The following UBE2J1 variants were observed in gnomAD, a reference collection of about 807,000 sequenced individuals.
UBE2J1 encodes ubiquitin conjugating enzyme E2 J1.
A neutral mutation model predicts 42.1 loss-of-function variants in UBE2J1; 17 were observed. The observed-to-expected ratio is 0.40, with a 90% CI of 0.28 to 0.61. The LOEUF (loss-of-function observed/expected upper bound fraction) is 0.61. Among genes scored for constraint, UBE2J1 ranks in the 20% least tolerant of loss-of-function variants. UBE2J1 has a pLI of 0.38. For synonymous variants in UBE2J1, 127 were observed against 137.2 expected, an observed-to-expected ratio of 0.93 and a Z score of 0.52; for missense variants, 291 against 389.4, an observed-to-expected ratio of 0.75 and a Z score of 2.13.
At position 89,338,243 on chromosome 6, in the gene UBE2J1, T is replaced by C. The variant is rs2127865452; in HGVS notation, c.390A>G (p.Leu130=). 1 of 1,613,800 alleles carries C rather than the reference T, an allele frequency of 6.2e-7. No individual in the cohort carries two copies. Among genetic ancestry groups the C allele is most frequent in the Non-Finnish European group, 8.5e-7 (1 of 1,179,874 alleles). ...CTCTTCTTTCCTCAGGAGTGTAATC[T>C]AGAGAACCTATGGCTCCCTCTCCTT... ...PTKGEGAIGS[L]DYTPEERRAL... The change falls in exon 5 of 8, where the codon CTA becomes CTG. Residue 130 remains leucine, a synonymous_variant. Coordinates refer to ENST00000435041, the MANE Select transcript of UBE2J1 (RefSeq NM_016021.3).
chr6:89,338,370 T>C (rs535855148), intron 4 of UBE2J1, 60 bp from the exon 5 acceptor site: 3 of 1,578,596 alleles, frequency 1.9e-6, no homozygotes, highest in South Asian at 2.3e-5. Flanking sequence ...GGGTTTATTC[T>C]GGAAAAAGAA....
Position 89,329,771 on chromosome 6 carries a change from C to T in UBE2J1, c.865G>A (p.Val289Ile). 1.9e-6 allele frequency: 3 copies of T among 1,614,058 alleles called. No individual in the cohort carries two copies. The highest frequency in any genetic ancestry group is 8.5e-7 in the Non-Finnish European group (1 of 1,179,962). The change falls in exon 8 of 8, where the codon GTA becomes ATA. Residue 289 changes from valine to isoleucine, a missense_variant. Physicochemically the swap from Val to Ile is conservative, Grantham distance 29. Coordinates refer to ENST00000435041, the MANE Select transcript of UBE2J1 (RefSeq NM_016021.3). The stretch of plus-strand genomic sequence containing the variant: ...GCCAAAGTCAGGATGACAATCAGTA[C>T]AGCTGACCCACCATGATCAGTGTGG... ...DNHTDHGGSA[V>I]LIVILTLALA...
Position 89,329,874 on chromosome 6 carries a change from C to T in UBE2J1, c.762G>A (p.Gln254=). The T allele has an allele frequency of 6.2e-7, 1 of 1,614,032 alleles. No individual in the cohort carries two copies. The highest frequency in any genetic ancestry group is 8.5e-7 in the Non-Finnish European group (1 of 1,179,978). The change falls in exon 8 of 8, where the codon CAG becomes CAA. Residue 254 remains glutamine (Q), a synonymous_variant. Transcript: ENST00000435041. Reference sequence around the variant, plus strand: ...TCTGACTCTGCTGCTGGGCCCGGCGCTGTCGAGGGCTCATGGAGGTATTCT... The same window carrying T: ...TCTGACTCTGCTGCTGGGCCCGGCGTTGTCGAGGGCTCATGGAGGTATTCT... ...VAKNTSMSPR[Q]RRAQQQSQRR... is the part of the protein sequence containing the mutation.
intron 4 of UBE2J1, 36 bp from the exon 5 acceptor site, chr6:89,338,346 T>C: frequency 2.5e-6 from 4 of 1,597,672 alleles, no homozygotes; most frequent in Non-Finnish European, 3.4e-6. Context: ...CTAAATTGCT[T>C]TGTAAAAGCA....
intron 1 of UBE2J1, among the ~76,000 whole-genome samples, chr6:89,346,029 C>T (rs1768357942): frequency 6.6e-6 from 1 of 151,756 alleles, no homozygotes; most frequent in Admixed American, 6.6e-5. Context: ...TAGCTGAGAC[C>T]ACAGGCATGC....
rs752188515 is a variant in UBE2J1, at chr6:89,329,654, A to G, written c.*25T>C. The stretch of plus-strand genomic sequence containing the variant: ...GAATGTTTAATGAAGCAGTTGAGTC[A>G]CAGCTCATAAGTCACAAAACCATAT... On this transcript the variant is annotated 3_prime_UTR_variant, in exon 8 of 8. Coordinates refer to ENST00000435041, the MANE Select transcript of UBE2J1 (RefSeq NM_016021.3). The G allele has an allele frequency of 6.2e-7, 1 of 1,612,464 alleles. No individual in the cohort carries two copies. The highest frequency in any genetic ancestry group is 8.5e-7 in the Non-Finnish European group (1 of 1,179,120).
intron 1 of UBE2J1, among the ~76,000 whole-genome samples, chr6:89,351,070 T>TG (rs1768467413): frequency 2.2e-5 from 1 of 44,532 alleles, no homozygotes; most frequent in Non-Finnish European, 3.8e-5. Flanking sequence ...CGGGATTCTC[T>TG]TTTTTTTTTT....
chr6:89,346,716 G>A (rs980245608), intron 1 of UBE2J1, among the ~76,000 whole-genome samples: 1 of 152,080 alleles, frequency 6.6e-6, no homozygotes, highest in Admixed American at 6.5e-5. Context: ...CTAGGGAGGG[G>A]TAGAGACTAG....
At position 89,327,889 on chromosome 6, in the gene UBE2J1, T is replaced by C. The variant is rs1582475945; in HGVS notation, c.*1790A>G. The stretch of plus-strand genomic sequence containing the variant: ...CGGTGACTTCTTACTAGGAGACCAC[T>C]GAGCACTGAATCAAGGTTTCTAATA... On this transcript the variant is annotated 3_prime_UTR_variant, in exon 8 of 8. Coordinates refer to ENST00000435041, the MANE Select transcript of UBE2J1 (RefSeq NM_016021.3). 6.6e-6 allele frequency: 1 copy of C among 152,206 alleles called. No individual in the cohort carries two copies. Among genetic ancestry groups the C allele is most frequent in the Admixed American group, 6.5e-5 (1 of 15,272 alleles). The allele number at this position is 152,206 out of a possible 1,614,324, so 9.4% of individuals were successfully genotyped here.
intron 5 of UBE2J1, among the ~76,000 whole-genome samples, chr6:89,336,477 T>TATTTTA (rs58214879): frequency 6.1e-5 from 9 of 148,334 alleles, no homozygotes; most frequent in African/African-American, 2.0e-4. Flanking sequence ...TATTTTATTT[T>TATTTTA]TTTTTTTTAT....
At chr6:89,349,035 A>T (rs1165989087) in intron 1 of UBE2J1, among the ~76,000 whole-genome samples, 1 of 152,204 alleles carries the variant, frequency 6.6e-6, no homozygotes, top group Non-Finnish European at 1.5e-5. Flanking sequence ...CAGGCGTTTG[A>T]GACCAGCCTG....
rs551740152 is a variant in UBE2J1, at chr6:89,332,423, T to C, written c.678+663A>G. Among the ~76,000 whole-genome samples, 441 of 152,318 alleles carry C rather than the reference T, an allele frequency of 2.9e-3. 3 individuals are homozygous for C. Among genetic ancestry groups the C allele is most frequent in the African/African-American group, 9.9e-3 (413 of 41,578 alleles). On this transcript the variant is annotated intron_variant, in intron 7 of 7. Coordinates refer to ENST00000435041, the MANE Select transcript of UBE2J1 (RefSeq NM_016021.3). ...GTCAGGGCACCACTAACAACACTCA[T>C]AGCATTCATTCTTTTATTCAACAAT...
chr6:89,349,616 C>T (rs1421601825), intron 1 of UBE2J1, among the ~76,000 whole-genome samples: 3 of 152,040 alleles, frequency 2.0e-5, no homozygotes, highest in Admixed American at 6.5e-5. Context: ...TGAGTTTTGT[C>T]TTTATACTTA....
At chr6:89,349,489 A>C (rs1029427216) in intron 1 of UBE2J1, among the ~76,000 whole-genome samples, 1 of 152,170 alleles carries the variant, frequency 6.6e-6, no homozygotes, top group African/African-American at 2.4e-5. Flanking sequence ...GCAGGGATGG[A>C]GCAAGGAAGC....
In UBE2J1 at chr6:89,352,570, G is replaced by A; in HGVS notation, c.-1C>T. On this transcript the variant is annotated 5_prime_UTR_variant, in exon 1 of 8. Transcript: ENST00000435041. Reference sequence around the variant, plus strand: ...TCTTCAGGTTGTAGCGGGTCTCCATGGTGGGTCGCTGGCTTGGCTCCGGCC... The same window carrying A: ...TCTTCAGGTTGTAGCGGGTCTCCATAGTGGGTCGCTGGCTTGGCTCCGGCC... 1 of 1,569,212 alleles carries A rather than the reference G, an allele frequency of 6.4e-7. No homozygotes were observed. The highest frequency in any genetic ancestry group is 8.6e-7 in the Non-Finnish European group (1 of 1,164,424).
In UBE2J1 at chr6:89,347,986, C is replaced by T. The variant is rs113988309; in HGVS notation, c.32-4230G>A. Among the ~76,000 whole-genome samples, 730 of 152,286 alleles carry T rather than the reference C, an allele frequency of 4.8e-3. 1 individual carries two copies. The highest frequency in any genetic ancestry group is 7.9e-3 in the Non-Finnish European group (540 of 68,026). On this transcript the variant is annotated intron_variant, in intron 1 of 7. Transcript: ENST00000435041. ...CTCAAAACCATGCCTCAGCAGATTTCGCTGGCCTTATGATATGGCTCCCTG... is the reference window on the plus strand; with the variant it reads ...CTCAAAACCATGCCTCAGCAGATTTTGCTGGCCTTATGATATGGCTCCCTG...
In UBE2J1 at chr6:89,352,413, C is replaced by T. The variant is rs1768503410; in HGVS notation, c.31+126G>A. 3.5e-6 allele frequency: 4 copies of T among 1,127,990 alleles called. No individual in the cohort carries two copies. The Admixed American group carries it at 1.0e-4, about 29-fold the overall frequency. 69.9% of individuals were successfully genotyped at this position (1,127,990 alleles called of 1,614,324 possible). Reference sequence around the variant, plus strand: ...GTACTTCCCGGGCAGGCGGCGGTCTCGCGTAGAGCGCGAAACCAGGAGCTG... The same window carrying T: ...GTACTTCCCGGGCAGGCGGCGGTCTTGCGTAGAGCGCGAAACCAGGAGCTG... On this transcript the variant is annotated intron_variant, in intron 1 of 7. Coordinates refer to ENST00000435041, the MANE Select transcript of UBE2J1 (RefSeq NM_016021.3).
chr6:89,335,161 TA>T, intron 6 of UBE2J1, 140 bp downstream of exon 6: 1 of 741,940 alleles, frequency 1.3e-6, no homozygotes, highest in Non-Finnish European at 1.9e-6. Flanking sequence ...CCACAGAAAT[TA>T]AAAATATAAA....
chr6:89,344,180 G>A (rs940790408), intron 1 of UBE2J1, among the ~76,000 whole-genome samples: 1 of 151,418 alleles, frequency 6.6e-6, no homozygotes, highest in Non-Finnish European at 1.5e-5. Flanking sequence ...GACAGAGATG[G>A]GATTCCAACA....
Sources: gnomAD v4.1 joint callset for allele counts (sites outside exome capture counted in the v4.1 genomes callset) on GRCh38, gnomAD v4.1.1 for gene constraint, MANE v1.5 for transcripts, NCBI Gene and HGNC (gene_info 2026-07-23, HGNC 2026-07-21) for gene names.